Variants in MAMDC2 observed in about 807,000 individuals in gnomAD.
MAMDC2 encodes the protein MAM domain containing 2.
Under a neutral mutation model 89.8 loss-of-function variants are expected in MAMDC2, and 57 were observed. That is an observed-to-expected ratio of 0.63 (90% CI 0.51 to 0.79). The LOEUF (loss-of-function observed/expected upper bound fraction) is 0.79, where lower values mean the gene tolerates loss of function less well. Among genes scored for constraint, MAMDC2 ranks in the 30% least tolerant of loss-of-function variants. The pLI is 0.00. For synonymous variants in MAMDC2, 313 were observed against 293.4 expected, an observed-to-expected ratio of 1.07 and a Z score of -0.68; for missense variants, 800 against 820.6, an observed-to-expected ratio of 0.97 and a Z score of 0.31.
intron 2 of MAMDC2, among the ~76,000 whole-genome samples, chr9:70,081,021 C>T (rs1312703163): frequency 6.6e-6 from 1 of 152,090 alleles, no homozygotes; most frequent in Non-Finnish European, 1.5e-5. Flanking sequence ...AAAGTAGGCA[C>T]TTAATAATAA....
intron 11 of MAMDC2, chr9:70,216,257 A>C (rs1424138750): frequency 6.6e-6 from 1 of 152,222 alleles, no homozygotes; most frequent in African/African-American, 2.4e-5. Flanking sequence ...AATATCATAG[A>C]CTAGGTGGTT....
chr9:70,152,598 G>A (rs1424298187), intron 9 of MAMDC2, among the ~76,000 whole-genome samples: 1 of 151,984 alleles, frequency 6.6e-6, no homozygotes, highest in African/African-American at 2.4e-5. Flanking sequence ...CCCAGCCCTC[G>A]CCTGGCTAAC....
rs555534315 is a variant in MAMDC2, at chr9:70,140,349, T to G, written c.1138+61T>G. On this transcript the variant is annotated intron_variant, in intron 8 of 13. Coordinates refer to ENST00000377182, the MANE Select transcript of MAMDC2 (RefSeq NM_153267.5). ...GGTAGTCGTGAGCTTTATTGGCCAT[T>G]CCTACTTCACACCTGCAAAGACATC... The G allele has an allele frequency of 2.7e-6, 4 of 1,495,080 alleles. No homozygotes were observed. In the African/African-American group the frequency reaches 5.9e-5, roughly 22 times the overall value. 92.6% of individuals were successfully genotyped at this position (1,495,080 alleles called of 1,614,324 possible).
chr9:70,166,606 C>T (rs890720120), intron 9 of MAMDC2, among the ~76,000 whole-genome samples: 4 of 151,852 alleles, frequency 2.6e-5, no homozygotes, highest in African/African-American at 4.8e-5. Context: ...ATAATTGTGC[C>T]GTAGTTCATT....
At chr9:70,100,573 C>T (rs944553154) in intron 2 of MAMDC2, among the ~76,000 whole-genome samples, 1 of 152,206 alleles carries the variant, frequency 6.6e-6, no homozygotes, top group African/African-American at 2.4e-5. Flanking sequence ...TGCTGTCAGA[C>T]CTGCGTCATC....
chr9:70,061,353 A>C (rs1288028544), intron 2 of MAMDC2, among the ~76,000 whole-genome samples: 1 of 152,156 alleles, frequency 6.6e-6, no homozygotes, highest in Non-Finnish European at 1.5e-5. Context: ...TGGGGCAGGA[A>C]GTCTTGTCAT....
At position 70,191,966 on chromosome 9, in the gene MAMDC2, A is replaced by C. The variant is rs77604774; in HGVS notation, c.1651+21335A>C. 2.2e-3 allele frequency among the ~76,000 whole-genome samples: 340 copies of C among 152,192 alleles called. 10 individuals are homozygous for C. The East Asian group carries it at 0.055, about 25-fold the overall frequency. On this transcript the variant is annotated intron_variant, in intron 11 of 13. Transcript: ENST00000377182. ...CCTTTTCTCAGAAAACTTGTCCCTGAATGTTTTGTCTGCTTTGGTAGCCCT... is the reference window on the plus strand; with the variant it reads ...CCTTTTCTCAGAAAACTTGTCCCTGCATGTTTTGTCTGCTTTGGTAGCCCT...
intron 2 of MAMDC2, among the ~76,000 whole-genome samples, chr9:70,077,955 AT>A (rs1179339316): frequency 6.6e-6 from 1 of 151,872 alleles, no homozygotes; most frequent in African/African-American, 2.4e-5. Context: ...AGAAAATTTC[AT>A]TTGTATGTAT....
At chr9:70,057,110 T>C (rs4744972) in intron 2 of MAMDC2, among the ~76,000 whole-genome samples, 26,161 of 152,112 alleles carry the variant, frequency 0.17, 2,345 homozygotes, top group African/African-American at 0.2. Flanking sequence ...TGAAAGCATC[T>C]TCCCACCCCC....
chr9:70,160,151 G>T (rs1323768939), intron 9 of MAMDC2, among the ~76,000 whole-genome samples: 1 of 152,096 alleles, frequency 6.6e-6, no homozygotes, highest in East Asian at 1.9e-4. Context: ...GGGAGAGGTT[G>T]CAGTGAGCCG....
intron 12 of MAMDC2, among the ~76,000 whole-genome samples, chr9:70,221,822 G>A (rs564712130): frequency 1.3e-5 from 2 of 151,916 alleles, no homozygotes; most frequent in African/African-American, 2.4e-5. Flanking sequence ...ATAAGAGGAA[G>A]AAGAAGTCAA....
At chr9:70,159,029 A>G (rs2031866087) in intron 9 of MAMDC2, among the ~76,000 whole-genome samples, 1 of 147,990 alleles carries the variant, frequency 6.8e-6, no homozygotes, top group East Asian at 2.0e-4. Flanking sequence ...ATATAAACAT[A>G]TATGTGTGCA....
At chr9:70,213,056 C>T (rs1292509402) in intron 11 of MAMDC2, among the ~76,000 whole-genome samples, 2 of 152,128 alleles carry the variant, frequency 1.3e-5, no homozygotes, top group South Asian at 2.1e-4. Context: ...AGAAGTCAAT[C>T]GAATGATCCT....
At chr9:70,217,145 T>G in intron 11 of MAMDC2, 1 of 578,136 alleles carries the variant, frequency 1.7e-6, no homozygotes, top group Non-Finnish European at 3.1e-6. Context: ...TTAAAAATAT[T>G]ACAGAATATG....
intron 11 of MAMDC2, among the ~76,000 whole-genome samples, chr9:70,197,833 C>A (rs1187193431): frequency 6.6e-6 from 1 of 152,090 alleles, no homozygotes; most frequent in Admixed American, 6.6e-5. Flanking sequence ...CATCCAGGAT[C>A]ACCCAAATCA....
intron 2 of MAMDC2, chr9:70,063,258 A>C (rs904737013): frequency 1.3e-5 from 2 of 152,130 alleles, no homozygotes; most frequent in African/African-American, 4.8e-5. Context: ...GTCTCAAAAG[A>C]AAAAAAATAA....
At chr9:70,204,410 A>C (rs1470902654) in intron 11 of MAMDC2, among the ~76,000 whole-genome samples, 5 of 151,536 alleles carry the variant, frequency 3.3e-5, no homozygotes, top group Admixed American at 6.6e-5. Flanking sequence ...GCAGTCTGCC[A>C]GTTCTCAGAT....
intron 2 of MAMDC2, among the ~76,000 whole-genome samples, chr9:70,052,031 T>C (rs1356106302): frequency 1.2e-4 from 18 of 152,196 alleles, no homozygotes; most frequent in Admixed American, 1.2e-3. Context: ...ATCCAGGTCT[T>C]ACTCCAAGAG....
rs116000319 is a variant in MAMDC2 at position 70,149,435 on chromosome 9, C to T, written c.1404+5616C>T. On this transcript the variant is annotated intron_variant, in intron 9 of 13. Coordinates refer to ENST00000377182, the MANE Select transcript of MAMDC2 (RefSeq NM_153267.5). ...CATTCTCAAGGAAGGCCTCAGCTGA[C>T]CTACAGGGAGCTCTGAAACTGGTGT... Among the ~76,000 whole-genome samples the T allele has an allele frequency of 2.3e-3, 351 of 152,138 alleles. 3 individuals are homozygous for T. The highest frequency in any genetic ancestry group is 8.2e-3 in the African/African-American group (339 of 41,510).
Sources: gnomAD v4.1 joint callset for allele counts (sites outside exome capture counted in the v4.1 genomes callset) on GRCh38, gnomAD v4.1.1 for gene constraint, MANE v1.5 for transcripts, NCBI Gene and HGNC (gene_info 2026-07-23, HGNC 2026-07-21) for gene names.